DHX29: variants seen among roughly 807,000 people sequenced by gnomAD.
DHX29 encodes ATP-dependent RNA helicase DHX29.
A neutral mutation model predicts 167.9 loss-of-function variants in DHX29; 79 were observed. That is an observed-to-expected ratio of 0.47 (90% CI 0.39 to 0.57). DHX29 has a LOEUF of 0.57. Ranked by LOEUF, DHX29 falls within the 20% of genes least tolerant of loss-of-function variation. DHX29 has a pLI of 0.00. For synonymous variants in DHX29, 530 were observed against 546.0 expected (o/e 0.97, Z 0.41); for missense variants, 1,347 against 1,593.4 (o/e 0.85, Z 2.63).
intron 1 of DHX29, among the ~76,000 whole-genome samples, chr5:55,306,899 G>C (rs913537473): frequency 2.6e-5 from 4 of 152,324 alleles, no homozygotes; most frequent in East Asian, 3.9e-4. Flanking sequence ...CACGTAACCA[G>C]TGTGTAACCA....
At chr5:55,273,698 A>G (rs1227481413) in intron 16 of DHX29, among the ~76,000 whole-genome samples, 1 of 152,160 alleles carries the variant, frequency 6.6e-6, no homozygotes, top group Non-Finnish European at 1.5e-5. Flanking sequence ...TGGATGATAA[A>G]CTGCAGCTTG....
intron 10 of DHX29, among the ~76,000 whole-genome samples, chr5:55,284,804 T>G (rs1747629151): frequency 6.6e-6 from 1 of 152,136 alleles, no homozygotes; most frequent in Non-Finnish European, 1.5e-5. Flanking sequence ...CAATATAACA[T>G]TAAAGGAAAA....
At chr5:55,259,823 CTT>C in intron 26 of DHX29, 23 bp downstream of exon 26, 1 of 1,362,680 alleles carries the variant, frequency 7.3e-7, no homozygotes. Flanking sequence ...TGTATATGGT[CTT>C]TCACTTATAA....
chr5:55,289,574 C>T (rs1218042409), intron 7 of DHX29, 146 bp from the exon 8 acceptor site: 1 of 566,090 alleles, frequency 1.8e-6, no homozygotes, highest in Admixed American at 4.2e-5. Context: ...AACTGCATTC[C>T]TTCTTTTTCC....
chr5:55,267,638 T>A, intron 22 of DHX29, 48 bp downstream of exon 22: 1 of 1,512,256 alleles, frequency 6.6e-7, no homozygotes, highest in Non-Finnish European at 8.9e-7. Flanking sequence ...TTAAAGTAAA[T>A]AACCTCAGGT....
chr5:55,275,725 CTATGTATG>C (rs375674768), intron 14 of DHX29, among the ~76,000 whole-genome samples: 477 of 148,862 alleles, frequency 3.2e-3, no homozygotes, highest in African/African-American at 5.8e-3. Flanking sequence ...GACAGCTTCA[CTATGTATG>C]TATGTATGTA....
chr5:55,285,373 G>C lies in DHX29; in HGVS notation c.1276C>G (p.Pro426Ala). The change falls in exon 10 of 27, where the codon CCT becomes GCT. Residue 426 changes from proline (P) to alanine (A), a missense_variant. By Grantham distance (27) the Pro-to-Ala change is conservative. Around this residue, in one of 3 missense-constraint regions of DHX29, gnomAD observed 60 missense variants for 94.2 expected, o/e 0.64. Coordinates refer to ENST00000251636, the MANE Select transcript of DHX29 (RefSeq NM_019030.4). Reference protein sequence around the residue: ...KSEDDVLVVCPTILTEDGMQA... With the variant: ...KSEDDVLVVCATILTEDGMQA... The stretch of plus-strand genomic sequence containing the variant: ...ATGCCATCTTCTGTTAAGATTGTAG[G>C]GCATACTACCAGGACATCATCTTCA... The C allele has an allele frequency of 6.2e-7, 1 of 1,613,478 alleles. No individual in the cohort carries two copies. The highest frequency in any genetic ancestry group is 8.5e-7 in the Non-Finnish European group (1 of 1,179,892).
chr5:55,294,125 A>T lies in DHX29; in HGVS notation c.672T>A (p.Asn224Lys). Residue 224 changes from asparagine (N) to lysine (K), a missense_variant, in exon 6 of 27, where the codon AAT becomes AAA. Asn to Lys is a moderately conservative substitution (Grantham distance 94). Coordinates refer to ENST00000251636, the MANE Select transcript of DHX29 (RefSeq NM_019030.4). ...PKSKPKKEEK[N>K]MEVNMKEWIL... is the part of the protein sequence containing the mutation. ...TCCACTCTTTCATATTTACTTCCAT[A>T]TTTTTTTCTTCCTTTTTTGGCTAGA... 2 of 1,592,876 alleles carry T rather than the reference A, an allele frequency of 1.3e-6. No homozygotes were observed. The highest frequency in any genetic ancestry group is 1.7e-4 in the Middle Eastern group (1 of 5,998).
intron 23 of DHX29, among the ~76,000 whole-genome samples, chr5:55,265,802 C>T (rs1746529609): frequency 6.6e-6 from 1 of 151,962 alleles, no homozygotes; most frequent in South Asian, 2.1e-4. Context: ...CTTGGATATG[C>T]TTCAAAATCT....
rs146630472 is a variant in DHX29, at chr5:55,303,037, G to A, written c.187+4350C>T. On this transcript the variant is annotated intron_variant, in intron 1 of 26. Transcript: ENST00000251636. The stretch of plus-strand genomic sequence containing the variant: ...TGGAACGATGCAACATATATAGCTG[G>A]CTCTCAAAAATATTTATTACATTAA... Among the ~76,000 whole-genome samples the A allele has an allele frequency of 5.4e-3, 818 of 151,684 alleles. 7 individuals carry two copies. The highest frequency in any genetic ancestry group is 0.019 in the African/African-American group (785 of 41,330).
chr5:55,275,317 G>A (rs549167498), intron 14 of DHX29, among the ~76,000 whole-genome samples: 1 of 152,202 alleles, frequency 6.6e-6, no homozygotes, highest in African/African-American at 2.4e-5. Context: ...ATCATTCTGT[G>A]GCAACTAAAA....
rs1008631660 is a variant in DHX29 at position 55,307,673 on chromosome 5, T to C, written c.-100A>G. The C allele has an allele frequency of 2.7e-6, 4 of 1,462,636 alleles. No individual in the cohort carries two copies. Among genetic ancestry groups the C allele is most frequent in the African/African-American group, 2.8e-5 (2 of 70,524 alleles). 90.6% of individuals were successfully genotyped at this position (1,462,636 alleles called of 1,614,324 possible). A position where few individuals can be genotyped will look rare whatever the true frequency, so the allele number is the denominator to read the frequency against. On this transcript the variant is annotated 5_prime_UTR_variant, in exon 1 of 27. Transcript: ENST00000251636. ...TTCCCCGGCTCCGGGGCTGCCACCCTGCGCTTCGATCCGGGCTTCTCGGGC... is the reference window on the plus strand; with the variant it reads ...TTCCCCGGCTCCGGGGCTGCCACCCCGCGCTTCGATCCGGGCTTCTCGGGC...
chr5:55,292,943 A>G (rs1394705949), intron 6 of DHX29, among the ~76,000 whole-genome samples: 1 of 152,192 alleles, frequency 6.6e-6, no homozygotes, highest in East Asian at 1.9e-4. Context: ...TTTTACTTAT[A>G]TTAGTTTAAT....
intron 26 of DHX29, among the ~76,000 whole-genome samples, chr5:55,256,828 C>A (rs573241993): frequency 1.3e-5 from 2 of 152,244 alleles, no homozygotes; most frequent in East Asian, 3.9e-4. Context: ...AATGTTACTT[C>A]TTTATAAGGA....
At chr5:55,276,435 G>A in intron 13 of DHX29, 29 bp from the exon 14 acceptor site, 2 of 1,535,912 alleles carry the variant, frequency 1.3e-6, no homozygotes, top group Non-Finnish European at 1.8e-6. Flanking sequence ...ATAAATGGGT[G>A]AATTCAAATT....
At chr5:55,266,321 T>A (rs1352799381) in intron 23 of DHX29, among the ~76,000 whole-genome samples, 1 of 151,280 alleles carries the variant, frequency 6.6e-6, no homozygotes, top group Non-Finnish European at 1.5e-5. Context: ...TTTTTTTTTT[T>A]TTTTTGAGAC....
At chr5:55,270,354 T>C (rs1746790977) in intron 20 of DHX29, 58 bp downstream of exon 20, 1 of 1,509,626 alleles carries the variant, frequency 6.6e-7, no homozygotes, top group African/African-American at 1.4e-5. Flanking sequence ...GTGTTCATTT[T>C]TTTTCTTTTC....
At chr5:55,281,080 C>CACACACAT (rs200956085) in intron 12 of DHX29, among the ~76,000 whole-genome samples, 2 of 149,568 alleles carry the variant, frequency 1.3e-5, no homozygotes, top group Non-Finnish European at 3.0e-5. Flanking sequence ...CACACACACA[C>CACACACAT]GCTATATATA....
intron 1 of DHX29, among the ~76,000 whole-genome samples, chr5:55,302,522 A>G (rs1453325716): frequency 6.8e-6 from 1 of 147,376 alleles, no homozygotes; most frequent in Non-Finnish European, 1.5e-5. Context: ...TGGGAGGCTG[A>G]GATGGGAGGA....
Sources: allele counts gnomAD v4.1 joint callset (sites outside exome capture counted in the v4.1 genomes callset), GRCh38; gene constraint gnomAD v4.1.1; regional missense constraint gnomAD v4.1.1; transcripts MANE v1.5; gene names NCBI Gene and HGNC (gene_info 2026-07-23, HGNC 2026-07-21).